Variants in FCMR observed in about 807,000 individuals in gnomAD.
FCMR encodes Fc mu receptor.
Under a neutral mutation model 41.6 loss-of-function variants are expected in FCMR, and 34 were observed. That is an observed-to-expected ratio of 0.82 (90% CI 0.62 to 1.09). FCMR has a LOEUF of 1.09. FCMR is among the 50% of genes least tolerant of loss of function. The probability of loss-of-function intolerance (pLI) is 0.00; values close to 1 mark genes in which losing one functional copy is unlikely to be tolerated. For missense variants in FCMR, 496 were observed against 512.5 expected, an observed-to-expected ratio of 0.97 and a Z score of 0.31; for synonymous variants, 209 against 211.8, an observed-to-expected ratio of 0.99 and a Z score of 0.12.
intron 1 of FCMR, chr1:206,917,825 C>G (rs1033244992): frequency 2.2e-6 from 1 of 453,932 alleles, no homozygotes; most frequent in African/African-American, 2.0e-5. Flanking sequence ...TGGGCTTTCA[C>G]CCAGGCTGGT....
chr1:206,921,169 A>C (rs1679424563), intron 1 of FCMR, among the ~76,000 whole-genome samples: 1 of 152,260 alleles, frequency 6.6e-6, no homozygotes, highest in Non-Finnish European at 1.5e-5. Flanking sequence ...TTTAGGGTTG[A>C]AAGTTGGAAA....
chr1:206,917,574 T>A (rs1679245232), intron 1 of FCMR, among the ~76,000 whole-genome samples: 1 of 152,194 alleles, frequency 6.6e-6, no homozygotes, highest in Non-Finnish European at 1.5e-5. Context: ...AAAATGGCCT[T>A]CTCATCTAGC....
intron 1 of FCMR, among the ~76,000 whole-genome samples, chr1:206,917,160 A>G (rs1407891787): frequency 2.0e-5 from 3 of 152,206 alleles, no homozygotes; most frequent in Non-Finnish European, 2.9e-5. Flanking sequence ...AATTTTCACC[A>G]TACAAAATAA....
rs1678854845 is a variant in FCMR, at chr1:206,909,984, C to T, written c.842-116G>A. On this transcript the variant is annotated intron_variant, in intron 5 of 7. Transcript: ENST00000367091. This position sits in a 1 kb window ranked among gnomAD's most constrained non-coding sequence, Gnocchi z 5.0. ...CTTGGCAGTGTCTGACCTGGAGATG[C>T]TCCAAGCGTGGGGAATGTACGAGGC... is the stretch of plus-strand genomic sequence containing the variant. 1 of 1,235,628 alleles carries T rather than the reference C, an allele frequency of 8.1e-7. No homozygotes were observed. Among genetic ancestry groups the T allele is most frequent in the Non-Finnish European group, 1.1e-6 (1 of 943,902 alleles). The allele number at this position is 1,235,628 out of a possible 1,614,324, so 76.5% of individuals were successfully genotyped here. A position where few individuals can be genotyped will look rare whatever the true frequency, so the allele number is the denominator to read the frequency against.
In FCMR at chr1:206,903,561, A is replaced by T. The variant is rs1678487116; in HGVS notation, c.*1458T>A. ...CATGAAAATCACACTGTCTTCTGAT[A>T]TCTGCAGGGACAGAGCATTGGGGTG... On this transcript the variant is annotated 3_prime_UTR_variant, in exon 8 of 8. Coordinates refer to ENST00000367091, the MANE Select transcript of FCMR (RefSeq NM_005449.5). The T allele has an allele frequency of 6.2e-6, 1 of 161,266 alleles. No individual in the cohort carries two copies. The highest frequency in any genetic ancestry group is 2.4e-5 in the African/African-American group (1 of 41,548). The allele number at this position is 161,266 out of a possible 1,614,324, so 10.0% of individuals were successfully genotyped here.
At position 206,904,368 on chromosome 1, in the gene FCMR, G is replaced by A. The variant is rs1678529595; in HGVS notation, c.*651C>T. On this transcript the variant is annotated 3_prime_UTR_variant, in exon 8 of 8. Transcript: ENST00000367091. ...TTATGTGCATCAAGTGATGGAGACA[G>A]AGTAAAGAGAATTTATGGATATATA... 6.6e-6 allele frequency: 1 copy of A among 151,812 alleles called. No individual in the cohort carries two copies. Among genetic ancestry groups the A allele is most frequent in the African/African-American group, 2.4e-5 (1 of 41,102 alleles). The allele number at this position is 151,812 out of a possible 1,614,324, so 9.4% of individuals were successfully genotyped here. A position where few individuals can be genotyped will look rare whatever the true frequency, so the allele number is the denominator to read the frequency against.
chr1:206,906,082 TG>T, intron 7 of FCMR: 1 of 384,214 alleles, frequency 2.6e-6, no homozygotes, highest in Non-Finnish European at 5.2e-6. Context: ...AAGTAATCAG[TG>T]AAAGACAGCT....
intron 4 of FCMR, among the ~76,000 whole-genome samples, chr1:206,911,172 G>A (rs958776079): frequency 1.3e-5 from 2 of 151,926 alleles, no homozygotes; most frequent in Non-Finnish European, 2.9e-5. Flanking sequence ...AAATGATTTT[G>A]GAGGTCCTCT....
At chr1:206,911,217 A>G (rs754362247) in intron 4 of FCMR, among the ~76,000 whole-genome samples, 1 of 147,372 alleles carries the variant, frequency 6.8e-6, no homozygotes, top group African/African-American at 2.5e-5. Context: ...CTTATGCAAA[A>G]CCAATTTTGA....
At chr1:206,917,809 T>TTA in intron 1 of FCMR, 1 of 453,682 alleles carries the variant, frequency 2.2e-6, no homozygotes, top group Non-Finnish European at 4.4e-6. Flanking sequence ...TTTTTTTTTT[T>TTA]AGAGATGGGC....
Position 206,909,781 on chromosome 1 carries a change from G to C in FCMR, c.929C>G (p.Ser310Cys). 6.9e-7 allele frequency: 1 copy of C among 1,457,472 alleles called. No homozygotes were observed. The highest frequency in any genetic ancestry group is 9.0e-7 in the Non-Finnish European group (1 of 1,113,394). 90.3% of individuals were successfully genotyped at this position (1,457,472 alleles called of 1,614,324 possible). ...GCAGGCGCTGTAGATGTTGTTTTGG[G>C]AGCGCGGTCGCGGCGACCCGCGGGG... Reference protein sequence around the residue: ...QRPRGSPRPRSQNNIYSACPR... With the variant: ...QRPRGSPRPRCQNNIYSACPR... Residue 310 changes from serine to cysteine, a missense_variant, in exon 6 of 8, where the codon TCC (serine) becomes TGC (cysteine). By Grantham distance (112) the Ser-to-Cys change is moderately radical. Transcript: ENST00000367091. This position sits in a 1 kb window ranked among gnomAD's most constrained non-coding sequence, Gnocchi z 5.0.
intron 7 of FCMR, chr1:206,908,282 A>G (rs919088338): frequency 5.1e-6 from 5 of 978,704 alleles, no homozygotes; most frequent in African/African-American, 4.8e-5. Flanking sequence ...CCCTTCCTCC[A>G]TCGTCGCCCT....
At chr1:206,908,248 A>C in intron 7 of FCMR, 3 of 1,261,894 alleles carry the variant, frequency 2.4e-6, no homozygotes, top group Non-Finnish European at 3.4e-6. Flanking sequence ...AAGACTGTTA[A>C]TTCCTCATGC....
intron 1 of FCMR, chr1:206,921,523 C>A: frequency 2.0e-6 from 1 of 492,654 alleles, no homozygotes; most frequent in Admixed American, 3.0e-5. Flanking sequence ...ATCACTCGAA[C>A]CCAGGAGTAC....
In FCMR at chr1:206,909,577, T is replaced by G; in HGVS notation, c.986-57A>C. On this transcript the variant is annotated intron_variant, in intron 6 of 7. Coordinates refer to ENST00000367091, the MANE Select transcript of FCMR (RefSeq NM_005449.5). The surrounding 1 kb of genome is among the most constrained non-coding windows in gnomAD (Gnocchi z 5.0). ...GGCCGAGGCTCCCGCCCCACCGTCA[T>G]GCTACTACTCCCAGCTCCACCCCCG... 1.6e-6 allele frequency: 2 copies of G among 1,276,206 alleles called. No individual in the cohort carries two copies. The highest frequency in any genetic ancestry group is 1.0e-6 in the Non-Finnish European group (1 of 995,548). The allele number at this position is 1,276,206 out of a possible 1,614,324, so 79.1% of individuals were successfully genotyped here.
In FCMR at chr1:206,905,026, G is replaced by C; in HGVS notation, c.1166C>G (p.Pro389Arg). The C allele has an allele frequency of 6.2e-7, 1 of 1,614,038 alleles. No homozygotes were observed. The highest frequency in any genetic ancestry group is 2.2e-5 in the East Asian group (1 of 44,886). ...DSDSDDYINV[P>R]A is the part of the protein sequence containing the mutation. ...GGGATAGCTGGGGAGTTGTCAGGCA[G>C]GAACATTGATGTAGTCATCTGAATC... Residue 389 changes from proline to arginine, a missense_variant, in exon 8 of 8, where the codon CCT (proline) becomes CGT (arginine). Coordinates refer to ENST00000367091, the MANE Select transcript of FCMR (RefSeq NM_005449.5).
Position 206,909,581 on chromosome 1 carries a change from A to T in FCMR, c.986-61T>A. The T allele has an allele frequency of 7.8e-7, 1 of 1,274,186 alleles. No individual in the cohort carries two copies. Among genetic ancestry groups the T allele is most frequent in the East Asian group, 3.2e-5 (1 of 31,608 alleles). 78.9% of individuals were successfully genotyped at this position (1,274,186 alleles called of 1,614,324 possible). A position where few individuals can be genotyped will look rare whatever the true frequency, so the allele number is the denominator to read the frequency against. On this transcript the variant is annotated intron_variant, in intron 6 of 7. Coordinates refer to ENST00000367091, the MANE Select transcript of FCMR (RefSeq NM_005449.5). The surrounding 1 kb of genome is among the most constrained non-coding windows in gnomAD (Gnocchi z 5.0). Reference sequence around the variant, plus strand: ...GAGGCTCCCGCCCCACCGTCATGCTACTACTCCCAGCTCCACCCCCGCCCC... The same window carrying T: ...GAGGCTCCCGCCCCACCGTCATGCTTCTACTCCCAGCTCCACCCCCGCCCC...
intron 1 of FCMR, among the ~76,000 whole-genome samples, chr1:206,916,382 G>A (rs1204028044): frequency 1.3e-5 from 2 of 152,206 alleles, no homozygotes; most frequent in Non-Finnish European, 2.9e-5. Flanking sequence ...GGGTGTGAAT[G>A]CCACTTTCCC....
chr1:206,919,222 GAGGAAGACCC>G (rs1679328711), intron 1 of FCMR, among the ~76,000 whole-genome samples: 2 of 152,130 alleles, frequency 1.3e-5, no homozygotes, highest in Non-Finnish European at 2.9e-5. Flanking sequence ...TCAATCTCAA[GAGGAAGACCC>G]AGGATAGAAG....
Sources: gnomAD v4.1 joint callset for allele counts (sites outside exome capture counted in the v4.1 genomes callset) on GRCh38, gnomAD v4.1.1 for gene constraint, Gnocchi (gnomAD v3.1) non-coding constraint, MANE v1.5 for transcripts, NCBI Gene and HGNC (gene_info 2026-07-23, HGNC 2026-07-21) for gene names.